ZFHX2: variants seen among roughly 807,000 people sequenced by gnomAD.
ZFHX2 encodes zinc finger homeobox 2.
A neutral mutation model predicts 164.8 loss-of-function variants in ZFHX2; 75 were observed. The ratio of observed to expected loss-of-function variants is 0.46; its 90% CI spans 0.38 to 0.55. The LOEUF is 0.55. Among genes scored for constraint, ZFHX2 ranks in the 20% least tolerant of loss-of-function variants. The probability of loss-of-function intolerance (pLI) is 0.00; values close to 1 mark genes in which losing one functional copy is unlikely to be tolerated. For missense variants in ZFHX2, 2,933 were observed against 3,308.0 expected (o/e 0.89, Z 2.78); for synonymous variants, 1,217 against 1,351.4 (o/e 0.90, Z 2.18).
chr14:23,554,217 G>A (rs1212485459), upstream of ZFHX2, among the ~76,000 whole-genome samples: 1 of 152,048 alleles, frequency 6.6e-6, no homozygotes, highest in African/African-American at 2.4e-5. Flanking sequence ...TATAACATAA[G>A]GAAAAATTAG....
Position 23,521,768 on chromosome 14 carries a change from G to T in ZFHX2, c.*194C>A. 1.0e-6 allele frequency: 1 copy of T among 961,122 alleles called. No homozygotes were observed. Among genetic ancestry groups the T allele is most frequent in the Non-Finnish European group, 1.5e-6 (1 of 671,810 alleles). 59.5% of individuals were successfully genotyped at this position (961,122 alleles called of 1,614,324 possible). A position where few individuals can be genotyped will look rare whatever the true frequency, so the allele number is the denominator to read the frequency against. On this transcript the variant is annotated 3_prime_UTR_variant, in exon 10 of 10. Transcript: ENST00000419474. The stretch of plus-strand genomic sequence containing the variant: ...AGGAGGAGGATCAATGTGTGTGTCT[G>T]TGGGGATTGGGAGGAGGCAGGACTC...
Position 23,551,017 on chromosome 14 carries a change from T to G in ZFHX2, c.-50+326A>C, listed in dbSNP as rs1326543171. Among the ~76,000 whole-genome samples the G allele has an allele frequency of 1.3e-5, 2 of 151,498 alleles. No homozygotes were observed. Among genetic ancestry groups the G allele is most frequent in the Admixed American group, 6.6e-5 (1 of 15,228 alleles). The stretch of plus-strand genomic sequence containing the variant: ...CCAACTCGGCGCGGTCCGTCTAGGC[T>G]TTCCATACCCTTCGTCTGTCCGGCG... On this transcript the variant is annotated intron_variant, in intron 1 of 9. Transcript: ENST00000419474. The surrounding 1 kb of genome is among the most constrained non-coding windows in gnomAD (Gnocchi z 5.3).
chr14:23,522,164 C>T lies in ZFHX2; in HGVS notation c.7517G>A (p.Gly2506Glu). 3 of 1,504,348 alleles carry T rather than the reference C, an allele frequency of 2.0e-6. No individual in the cohort carries two copies. The highest frequency in any genetic ancestry group is 2.7e-6 in the Non-Finnish European group (3 of 1,131,266). The allele number at this position is 1,504,348 out of a possible 1,614,324, so 93.2% of individuals were successfully genotyped here. The change falls in exon 10 of 10, where the codon GGG becomes GAG. Residue 2506 changes from glycine (G) to glutamate (E), a missense_variant. Coordinates refer to ENST00000419474, the MANE Select transcript of ZFHX2 (RefSeq NM_033400.3). ...CAGGTGGGAGGCTAGGGCTTCACGC[C>T]CACTCAGCAGCACCTCACATGCCAG... ...HCLACEVLLS[G>E]REALASHLRS... is the part of the protein sequence containing the mutation.
At position 23,521,563 on chromosome 14, in the gene ZFHX2, T is replaced by C. The variant is rs536976384; in HGVS notation, c.*399A>G. 2.9e-4 allele frequency: 49 copies of C among 169,842 alleles called. No individual in the cohort carries two copies. Among genetic ancestry groups the C allele is most frequent in the African/African-American group, 1.1e-3 (45 of 42,098 alleles). 10.5% of individuals were successfully genotyped at this position (169,842 alleles called of 1,614,324 possible). A position where few individuals can be genotyped will look rare whatever the true frequency, so the allele number is the denominator to read the frequency against. ...GTGGAACATCATGGGATAACGTGTG[T>C]GTGTGCATGTATGTGTATGCATTTA... is the stretch of plus-strand genomic sequence containing the variant. On this transcript the variant is annotated 3_prime_UTR_variant, in exon 10 of 10. Transcript: ENST00000419474.
chr14:23,526,157 G>A lies in ZFHX2; in HGVS notation c.3785C>T (p.Thr1262Ile), dbSNP rs1033237794. 4.6e-6 allele frequency: 7 copies of A among 1,536,432 alleles called. No individual in the cohort carries two copies. The African/African-American group carries it at 8.2e-5, about 18-fold the overall frequency. The change falls in exon 9 of 10, where the codon ACC becomes ATC. Residue 1262 changes from threonine (T) to isoleucine (I), a missense_variant. Transcript: ENST00000419474. ...AACTGACCGCATGTGGATCTCCAGG[G>A]TGGAGCTCTGGTTGTAGGAGACTCT... ...VCRVSYNQSSTLEIHMRSVLH... is the reference protein window; with the variant it reads ...VCRVSYNQSSILEIHMRSVLH...
intron 1 of ZFHX2, chr14:23,543,202 C>T (rs1881016808): frequency 6.6e-6 from 1 of 152,234 alleles, no homozygotes. Context: ...GTGCTAGGCC[C>T]TCGGCAAGTA....
chr14:23,534,317 C>A lies in ZFHX2; in HGVS notation c.1009G>T (p.Asp337Tyr). ...GGGCTGAGGGCCATAACTTCTTCAT[C>A]CAGGAGGATAAGGGCCTGGACTTCT... ...EAEVQALILLDEEVMALSPPS... is the reference protein window; with the variant it reads ...EAEVQALILLYEEVMALSPPS... The change falls in exon 2 of 10, where the codon GAT (aspartate) becomes TAT (tyrosine). Residue 337 changes from aspartate to tyrosine, a missense_variant. Asp to Tyr is a radical substitution (Grantham distance 160). Transcript: ENST00000419474. The surrounding 1 kb of genome is among the most constrained non-coding windows in gnomAD (Gnocchi z 4.5). 6.5e-7 allele frequency: 1 copy of A among 1,536,060 alleles called. No individual in the cohort carries two copies. Among genetic ancestry groups the A allele is most frequent in the Non-Finnish European group, 8.7e-7 (1 of 1,146,654 alleles).
Position 23,533,087 on chromosome 14 carries a change from A to T in ZFHX2, c.2042-3T>A, listed in dbSNP as rs1039339105. 21 of 1,519,000 alleles carry T rather than the reference A, an allele frequency of 1.4e-5. No individual in the cohort carries two copies. The highest frequency in any genetic ancestry group is 1.6e-5 in the Non-Finnish European group (18 of 1,137,426). The allele number at this position is 1,519,000 out of a possible 1,614,324, so 94.1% of individuals were successfully genotyped here. ...ATCAGGGGATAGGCTTCCAGGGGCT[A>T]GAGGACAGAGACAGATTAGTGGCCC... On this transcript the variant is annotated splice_polypyrimidine_tract_variant and splice_region_variant and intron_variant, in intron 2 of 9. Coordinates refer to ENST00000419474, the MANE Select transcript of ZFHX2 (RefSeq NM_033400.3). The surrounding 1 kb of genome is among the most constrained non-coding windows in gnomAD (Gnocchi z 4.8).
intron 7 of ZFHX2, 70 bp from the exon 8 acceptor site, chr14:23,527,043 T>C: frequency 1.4e-5 from 20 of 1,440,714 alleles, no homozygotes; most frequent in Non-Finnish European, 1.8e-5. Context: ...CTGACCCATC[T>C]GCCCTACACC....
rs1022374966 is a variant in ZFHX2, at chr14:23,523,033, C to T, written c.6740-92G>A. 1 of 1,413,058 alleles carries T rather than the reference C, an allele frequency of 7.1e-7. No homozygotes were observed. 87.5% of individuals were successfully genotyped at this position (1,413,058 alleles called of 1,614,324 possible). On this transcript the variant is annotated intron_variant, in intron 9 of 9. Transcript: ENST00000419474. This position sits in a 1 kb window ranked among gnomAD's most constrained non-coding sequence, Gnocchi z 4.1. ...CCACCTCCAGCCACACACACCCGTT[C>T]CCAGCACCGGATTTCCATGCCCCTT... is the stretch of plus-strand genomic sequence containing the variant.
At chr14:23,550,499 G>A (rs1304959083) in intron 1 of ZFHX2, among the ~76,000 whole-genome samples, 2 of 152,172 alleles carry the variant, frequency 1.3e-5, no homozygotes, top group African/African-American at 4.8e-5. Context: ...GGTCACAAGT[G>A]GAGACAGTGA....
At chr14:23,545,806 G>C (rs1024792300) in intron 1 of ZFHX2, among the ~76,000 whole-genome samples, 1 of 152,184 alleles carries the variant, frequency 6.6e-6, no homozygotes, top group Non-Finnish European at 1.5e-5. Flanking sequence ...CATGGCCCAG[G>C]AATAAAGAAG....
chr14:23,527,911 T>C, intron 6 of ZFHX2, 107 bp from the exon 7 acceptor site: 2 of 1,049,890 alleles, frequency 1.9e-6, no homozygotes, highest in Non-Finnish European at 2.7e-6. Flanking sequence ...CTTTTTTTTT[T>C]TTTTTTTTTT....
chr14:23,524,638 G>T lies in ZFHX2; in HGVS notation c.5304C>A (p.Ala1768=), dbSNP rs1338905616. ...AAATGGCACACTGGTCACAGGTATG[G>T]GCTGGGGAAGGTGATGGAGTAGCCT... is the stretch of plus-strand genomic sequence containing the variant. ...EEKATPSPSP[A]HTCDQCAISF... The change falls in exon 9 of 10, where the codon GCC becomes GCA. Residue 1768 remains alanine, a synonymous_variant. Transcript: ENST00000419474. This position sits in a 1 kb window ranked among gnomAD's most constrained non-coding sequence, Gnocchi z 5.6. The T allele has an allele frequency of 6.5e-7, 1 of 1,536,282 alleles. No individual in the cohort carries two copies. The highest frequency in any genetic ancestry group is 1.4e-5 in the African/African-American group (1 of 73,036).
upstream of ZFHX2, among the ~76,000 whole-genome samples, chr14:23,552,813 G>C (rs1483527927): frequency 6.6e-6 from 1 of 151,934 alleles, no homozygotes; most frequent in Non-Finnish European, 1.5e-5. Context: ...TCTTAGCCAG[G>C]CTGGTCTCGA....
At chr14:23,527,021 C>T (rs1023917094) in intron 7 of ZFHX2, 48 bp from the exon 8 acceptor site, 1 of 1,461,240 alleles carries the variant, frequency 6.8e-7, no homozygotes, top group Non-Finnish European at 9.0e-7. Flanking sequence ...CCCCACTGCC[C>T]CTATGCCACT....
At chr14:23,530,478 AACTC>A (rs1353460213) in intron 4 of ZFHX2, 6 of 619,760 alleles carry the variant, frequency 9.7e-6, no homozygotes, top group Non-Finnish European at 1.5e-5. Context: ...AACAAGACCA[AACTC>A]AGCTCCCTGT....
intron 8 of ZFHX2, 55 bp downstream of exon 8, chr14:23,526,792 G>C: frequency 6.6e-7 from 1 of 1,524,026 alleles, no homozygotes; most frequent in Non-Finnish European, 8.8e-7. Context: ...GACCTTGTTG[G>C]CCCATGGAGT....
intron 1 of ZFHX2, among the ~76,000 whole-genome samples, chr14:23,547,538 G>A (rs920474703): frequency 3.9e-5 from 6 of 152,090 alleles, no homozygotes; most frequent in African/African-American, 1.4e-4. Context: ...GTTCATTCAT[G>A]TTTTCCTCCA....
Sources: gnomAD v4.1 joint callset for allele counts (sites outside exome capture counted in the v4.1 genomes callset) on GRCh38, gnomAD v4.1.1 for gene constraint, Gnocchi (gnomAD v3.1) non-coding constraint, MANE v1.5 for transcripts, NCBI Gene and HGNC (gene_info 2026-07-23, HGNC 2026-07-21) for gene names.